The following MTMR7 variants were observed in gnomAD, a reference collection of about 807,000 sequenced individuals.
The protein encoded by MTMR7 is phosphatidylinositol-3-phosphate phosphatase MTMR7.
In MTMR7, 76 loss-of-function variants were observed where a neutral mutation model predicts 81.2. The ratio of observed to expected loss-of-function variants is 0.94; its 90% CI spans 0.78 to 1.13. The LOEUF (loss-of-function observed/expected upper bound fraction) is 1.13, where lower values mean the gene tolerates loss of function less well. Among genes scored for constraint, MTMR7 ranks in the 50% most tolerant of loss-of-function variants. The pLI is 0.00. For synonymous variants in MTMR7, 372 were observed against 289.8 expected (o/e 1.28, Z -2.88); for missense variants, 1,044 against 820.0 (o/e 1.27, Z -3.34).
rs181430852 is a variant in MTMR7, at chr8:17,323,977, A to G, written c.865+7173T>C. Reference sequence around the variant, plus strand: ...GTCTCAGTGCACTGCAAAATAAAACATCGCTGAGAGAAATATAACTACTAT... The same window carrying G: ...GTCTCAGTGCACTGCAAAATAAAACGTCGCTGAGAGAAATATAACTACTAT... On this transcript the variant is annotated intron_variant, in intron 7 of 13. Transcript: ENST00000180173. Among the ~76,000 whole-genome samples, 18 of 152,294 alleles carry G rather than the reference A, an allele frequency of 1.2e-4. No homozygotes were observed. In the East Asian group the frequency reaches 1.9e-3, roughly 16 times the overall value.
chr8:17,303,448 G>C (rs1191881219), intron 12 of MTMR7, among the ~76,000 whole-genome samples: 1 of 152,076 alleles, frequency 6.6e-6, no homozygotes, highest in Non-Finnish European at 1.5e-5. Context: ...TGGGGTTTCT[G>C]TTTATTCTGC....
rs1226187734 is a variant in MTMR7, at chr8:17,298,626, A to C, written c.*1236T>G. On this transcript the variant is annotated 3_prime_UTR_variant, in exon 14 of 14. Coordinates refer to ENST00000180173, the MANE Select transcript of MTMR7 (RefSeq NM_004686.5). Reference sequence around the variant, plus strand: ...TTTCACATATTCAAAATATTGATCTAAATTGTAAAGTTTAATCCTTTTACA... The same window carrying C: ...TTTCACATATTCAAAATATTGATCTCAATTGTAAAGTTTAATCCTTTTACA... 6.6e-6 allele frequency: 1 copy of C among 152,574 alleles called. No homozygotes were observed. The highest frequency in any genetic ancestry group is 2.4e-5 in the African/African-American group (1 of 41,458). 9.5% of individuals were successfully genotyped at this position (152,574 alleles called of 1,614,324 possible). A position where few individuals can be genotyped will look rare whatever the true frequency, so the allele number is the denominator to read the frequency against.
intron 4 of MTMR7, 102 bp from the exon 5 acceptor site, chr8:17,349,183 GTTCCC>G: frequency 7.1e-7 from 1 of 1,417,574 alleles, no homozygotes; most frequent in Non-Finnish European, 9.8e-7. Flanking sequence ...ACATCCTTAA[GTTCCC>G]TTAACCATGT....
chr8:17,332,070 T>A (rs1357079684), intron 6 of MTMR7, among the ~76,000 whole-genome samples: 3 of 152,170 alleles, frequency 2.0e-5, no homozygotes, highest in Non-Finnish European at 4.4e-5. Flanking sequence ...GGGAAATGCA[T>A]CGGTTTCTAG....
chr8:17,313,771 G>GA (rs1159314958), intron 7 of MTMR7, among the ~76,000 whole-genome samples: 1 of 152,124 alleles, frequency 6.6e-6, no homozygotes, highest in South Asian at 2.1e-4. Context: ...GTGCTATGAG[G>GA]AAAAAAATCA....
chr8:17,324,186 C>G (rs1818551506), intron 7 of MTMR7, among the ~76,000 whole-genome samples: 1 of 152,198 alleles, frequency 6.6e-6, no homozygotes, highest in African/African-American at 2.4e-5. Context: ...TTGGTTACTT[C>G]TTTCAGAATA....
chr8:17,400,979 G>C (rs995205694), intron 1 of MTMR7, among the ~76,000 whole-genome samples: 1 of 152,140 alleles, frequency 6.6e-6, no homozygotes, highest in African/African-American at 2.4e-5. Context: ...GGAGGCTTGG[G>C]TGTACAGAAC....
At chr8:17,307,958 AG>A (rs1817567397) in intron 10 of MTMR7, among the ~76,000 whole-genome samples, 1 of 152,146 alleles carries the variant, frequency 6.6e-6, no homozygotes, top group African/African-American at 2.4e-5. Context: ...TAATGGGTGC[AG>A]CACACCAACA....
chr8:17,349,727 A>AT (rs1320473162), intron 4 of MTMR7, among the ~76,000 whole-genome samples: 2 of 152,086 alleles, frequency 1.3e-5, no homozygotes, highest in Non-Finnish European at 2.9e-5. Context: ...TAACAGCTTG[A>AT]TTTTTGTTTC....
intron 1 of MTMR7, among the ~76,000 whole-genome samples, chr8:17,409,607 C>G (rs1821685751): frequency 6.6e-6 from 1 of 152,128 alleles, no homozygotes; most frequent in Non-Finnish European, 1.5e-5. Flanking sequence ...AATATAATCC[C>G]TACCATTACA....
chr8:17,409,497 A>G (rs1821683309), intron 1 of MTMR7, among the ~76,000 whole-genome samples: 1 of 152,124 alleles, frequency 6.6e-6, no homozygotes, highest in African/African-American at 2.4e-5. Flanking sequence ...GTAATGAATT[A>G]ATTATGCATT....
chr8:17,393,238 T>C (rs183782735), intron 1 of MTMR7, among the ~76,000 whole-genome samples: 3 of 152,300 alleles, frequency 2.0e-5, no homozygotes, highest in African/African-American at 2.4e-5. Flanking sequence ...AAACAATGCA[T>C]TTGGACCTCT....
At chr8:17,413,160 G>C in intron 1 of MTMR7, 109 bp downstream of exon 1, 4 of 1,313,702 alleles carry the variant, frequency 3.0e-6, no homozygotes, top group African/African-American at 1.4e-5. Flanking sequence ...CCGCGGTCCA[G>C]GCTCCGCCGG....
chr8:17,354,224 G>A (rs1233818334), intron 4 of MTMR7, among the ~76,000 whole-genome samples: 1 of 152,168 alleles, frequency 6.6e-6, no homozygotes, highest in Non-Finnish European at 1.5e-5. Flanking sequence ...CAGGGAGAAG[G>A]AGGAGGTTAT....
chr8:17,392,080 C>G (rs1029359851), intron 1 of MTMR7, among the ~76,000 whole-genome samples: 14 of 152,096 alleles, frequency 9.2e-5, no homozygotes, highest in Admixed American at 2.6e-4. Context: ...ATCACACGGA[C>G]AAAGTCACGG....
rs1002011258 is a variant in MTMR7 at position 17,384,568 on chromosome 8, T to C, written c.25-11328A>G. On this transcript the variant is annotated intron_variant, in intron 1 of 13. Transcript: ENST00000180173. ...GCAAAAAATATAAACTACCCAATTA[T>C]AGCTGGCAAAGTACTCTGACATACA... is the stretch of plus-strand genomic sequence containing the variant. Among the ~76,000 whole-genome samples the C allele has an allele frequency of 5.3e-5, 8 of 152,292 alleles. 1 individual carries two copies. The South Asian group carries it at 1.2e-3, about 24-fold the overall frequency.
At chr8:17,316,181 C>T (rs1182103107) in intron 7 of MTMR7, among the ~76,000 whole-genome samples, 1 of 152,090 alleles carries the variant, frequency 6.6e-6, no homozygotes, top group African/African-American at 2.4e-5. Flanking sequence ...GTTTCCTCAA[C>T]TGTAAAATGG....
chr8:17,304,592 C>T, intron 11 of MTMR7, 73 bp from the exon 12 acceptor site: 1 of 1,488,352 alleles, frequency 6.7e-7, no homozygotes, highest in Non-Finnish European at 9.2e-7. Context: ...TATATTAATG[C>T]TGGAAAGGAA....
chr8:17,340,743 C>T (rs73666118), intron 6 of MTMR7, among the ~76,000 whole-genome samples: 3,221 of 152,222 alleles, frequency 0.021, 121 homozygotes, highest in African/African-American at 0.073. Flanking sequence ...TAAACTAATA[C>T]TTTTCTAACA....
Sources: gnomAD v4.1 joint callset for allele counts (sites outside exome capture counted in the v4.1 genomes callset) on GRCh38, gnomAD v4.1.1 for gene constraint, MANE v1.5 for transcripts, NCBI Gene and HGNC (gene_info 2026-07-23, HGNC 2026-07-21) for gene names.